RUFY1: variants seen among roughly 807,000 people sequenced by gnomAD.
RUFY1 encodes RUN and FYVE domain containing 1, also known as RUN and FYVE domain-containing protein 1.
In RUFY1, 54 loss-of-function variants were observed where a neutral mutation model predicts 94.6. The ratio of observed to expected loss-of-function variants is 0.57; its 90% CI spans 0.46 to 0.72. RUFY1 has a LOEUF of 0.72. RUFY1 is among the 30% of genes least tolerant of loss of function. The pLI is 0.00. For missense variants in RUFY1, 883 were observed against 883.9 expected (o/e 1.00, Z 0.01); for synonymous variants, 396 against 347.3 (o/e 1.14, Z -1.56).
At chr5:179,602,055 C>A in intron 15 of RUFY1, 69 bp downstream of exon 15, 1 of 1,279,436 alleles carries the variant, frequency 7.8e-7, no homozygotes, top group Non-Finnish European at 1.1e-6. Flanking sequence ...CCTCAGGCCC[C>A]AAACCTACCT....
At chr5:179,591,856 T>C in intron 10 of RUFY1, 115 bp downstream of exon 10, 1 of 631,362 alleles carries the variant, frequency 1.6e-6, no homozygotes, top group Admixed American at 3.0e-5. Flanking sequence ...TCAGAAGCTG[T>C]TCATTAAAAA....
chr5:179,574,162 C>T (rs778753961), intron 5 of RUFY1, among the ~76,000 whole-genome samples: 1 of 151,864 alleles, frequency 6.6e-6, no homozygotes, highest in Non-Finnish European at 1.5e-5. Flanking sequence ...TTTGGGAGGC[C>T]GAAGTGGACA....
chr5:179,564,788 C>T (rs1762709236), intron 3 of RUFY1, among the ~76,000 whole-genome samples: 1 of 152,130 alleles, frequency 6.6e-6, no homozygotes, highest in East Asian at 1.9e-4. Flanking sequence ...TGATCTATTG[C>T]AGTCGTTATT....
chr5:179,564,638 C>T (rs1342606771), intron 3 of RUFY1, among the ~76,000 whole-genome samples: 1 of 151,264 alleles, frequency 6.6e-6, no homozygotes, highest in African/African-American at 2.4e-5. Context: ...GCCACCACTC[C>T]TGCCTGGATG....
At chr5:179,606,594 T>C (rs1311306858) in intron 16 of RUFY1, 1 of 153,696 alleles carries the variant, frequency 6.5e-6, no homozygotes, top group African/African-American at 2.4e-5. Context: ...TTGCACACTG[T>C]TCCACGTGGT....
rs763367143 is a variant in RUFY1, at chr5:179,550,791, C to T, written c.222C>T (p.Thr74=). ...APILTLARRA[T]GNLSASCGSA... ...TCCTGACCCTGGCACGCAGGGCCACCGGGAACCTGTCGGCGAGCTGCGGGA... is the reference window on the plus strand; with the variant it reads ...TCCTGACCCTGGCACGCAGGGCCACTGGGAACCTGTCGGCGAGCTGCGGGA... Residue 74 remains threonine (T), a synonymous_variant, in exon 1 of 18, where the codon ACC becomes ACT. Coordinates refer to ENST00000319449, the MANE Select transcript of RUFY1 (RefSeq NM_025158.5). The T allele has an allele frequency of 3.7e-6, 5 of 1,351,284 alleles. No homozygotes were observed. The highest frequency in any genetic ancestry group is 3.8e-6 in the Non-Finnish European group (4 of 1,048,240). 83.7% of individuals were successfully genotyped at this position (1,351,284 alleles called of 1,614,324 possible).
intron 5 of RUFY1, among the ~76,000 whole-genome samples, chr5:179,570,864 A>G (rs1763178159): frequency 1.3e-5 from 2 of 152,150 alleles, no homozygotes; most frequent in South Asian, 4.1e-4. Flanking sequence ...AAAAGACACT[A>G]AACATCACAC....
rs369641186 is a variant in RUFY1, at chr5:179,609,445, T to A, written c.2053T>A (p.Tyr685Asn). The A allele has an allele frequency of 6.4e-5, 103 of 1,612,694 alleles. No homozygotes were observed. The highest frequency in any genetic ancestry group is 8.3e-5 in the Non-Finnish European group (98 of 1,179,776). Residue 685 changes from tyrosine (Y) to asparagine (N), a missense_variant, in exon 18 of 18, where the codon TAC (tyrosine) becomes AAC (asparagine). Transcript: ENST00000319449. Reference protein sequence around the residue: ...CSSNELALPSYPKPVRVCDSC... With the variant: ...CSSNELALPSNPKPVRVCDSC... ...CAGCAACGAGCTGGCCCTGCCCTCC[T>A]ACCCCAAGCCGGTGCGAGTGTGCGA...
chr5:179,600,392 C>G (rs1417046937), intron 14 of RUFY1, among the ~76,000 whole-genome samples: 1 of 152,160 alleles, frequency 6.6e-6, no homozygotes, highest in East Asian at 1.9e-4. Context: ...TGGGGAACTC[C>G]CTCCGTGCAG....
intron 16 of RUFY1, 36 bp from the exon 17 acceptor site, chr5:179,607,542 TAGAC>T (rs749759650): frequency 4.1e-5 from 65 of 1,586,366 alleles, no homozygotes; most frequent in South Asian, 1.3e-4. Context: ...ATCAGGGGCT[TAGAC>T]AGAAAGTGGA....
At position 179,591,270 on chromosome 5, in the gene RUFY1, T is replaced by C. The variant is rs1166754765; in HGVS notation, c.1129-355T>C. Among the ~76,000 whole-genome samples, 10 of 151,928 alleles carry C rather than the reference T, an allele frequency of 6.6e-5. No individual in the cohort carries two copies. In the South Asian group the frequency reaches 1.3e-3, roughly 19 times the overall value. The stretch of plus-strand genomic sequence containing the variant: ...CACGATCTTGGCTCACTGCAAGCTC[T>C]GCCTCCCGGGTTCACGCCATTCTCC... On this transcript the variant is annotated intron_variant, in intron 9 of 17. Coordinates refer to ENST00000319449, the MANE Select transcript of RUFY1 (RefSeq NM_025158.5).
At chr5:179,593,367 C>CCA in intron 10 of RUFY1, 111 bp from the exon 11 acceptor site, 6 of 1,302,266 alleles carry the variant, frequency 4.6e-6, no homozygotes, top group Non-Finnish European at 4.3e-6. Flanking sequence ...GCATGAGCCA[C>CCA]CACACCCAGC....
At chr5:179,570,636 C>A (rs1763157741) in intron 5 of RUFY1, among the ~76,000 whole-genome samples, 1 of 152,194 alleles carries the variant, frequency 6.6e-6, no homozygotes, top group Non-Finnish European at 1.5e-5. Context: ...GCAGCTGTAG[C>A]TGGGCCACTG....
chr5:179,555,315 A>G (rs866681106), intron 1 of RUFY1, among the ~76,000 whole-genome samples: 1 of 152,162 alleles, frequency 6.6e-6, no homozygotes, highest in Non-Finnish European at 1.5e-5. Flanking sequence ...GTAGGTGTAG[A>G]ACTTCACGAT....
Position 179,593,508 on chromosome 5 carries a change from G to A in RUFY1, c.1276G>A (p.Gly426Arg). The change falls in exon 11 of 18, where the codon GGA becomes AGA. Residue 426 changes from glycine to arginine, a missense_variant. By Grantham distance (125) the Gly-to-Arg change is moderately radical. Coordinates refer to ENST00000319449, the MANE Select transcript of RUFY1 (RefSeq NM_025158.5). ...ELEKELELQIGMKTEMEIAMK... is the reference protein window; with the variant it reads ...ELEKELELQIRMKTEMEIAMK... Reference sequence around the variant, plus strand: ...GGAAAAAGAACTGGAGTTACAAATTGGAATGAAAACCGAAATGGAAATTGC... The same window carrying A: ...GGAAAAAGAACTGGAGTTACAAATTAGAATGAAAACCGAAATGGAAATTGC... 1 of 1,606,578 alleles carries A rather than the reference G, an allele frequency of 6.2e-7. No homozygotes were observed. Among genetic ancestry groups the A allele is most frequent in the African/African-American group, 1.3e-5 (1 of 74,894 alleles).
At chr5:179,589,508 T>C in intron 8 of RUFY1, 38 bp from the exon 9 acceptor site, 10 of 1,256,280 alleles carry the variant, frequency 8.0e-6, no homozygotes, top group Non-Finnish European at 1.2e-5. Context: ...ATAAGATTAA[T>C]TTTGATGTTA....
chr5:179,577,613 G>C (rs866426867), intron 6 of RUFY1, among the ~76,000 whole-genome samples: 1 of 125,614 alleles, frequency 8.0e-6, no homozygotes, highest in Non-Finnish European at 1.7e-5. Context: ...GGGGAGTTTC[G>C]GCCGAAAGAG....
At chr5:179,595,100 T>G (rs1161622744) in intron 12 of RUFY1, 137 bp downstream of exon 12, 2 of 625,482 alleles carry the variant, frequency 3.2e-6, no homozygotes, top group African/African-American at 1.8e-5. Context: ...CCCAACACTT[T>G]GGGAGGCCGA....
At chr5:179,559,848 G>A in intron 1 of RUFY1, 177 bp from the exon 2 acceptor site, 1 of 1,394,474 alleles carries the variant, frequency 7.2e-7, no homozygotes, top group South Asian at 1.7e-5. Context: ...AGGGGGCTGT[G>A]GCCTCTAGGG....
Sources: allele counts gnomAD v4.1 joint callset (sites outside exome capture counted in the v4.1 genomes callset), GRCh38; gene constraint gnomAD v4.1.1; transcripts MANE v1.5; gene names NCBI Gene and HGNC (gene_info 2026-07-23, HGNC 2026-07-21).